AGAP1: variants seen among roughly 807,000 people sequenced by gnomAD.
AGAP1 encodes the protein arf-GAP with GTPase, ANK repeat and PH domain-containing protein 1.
Under a neutral mutation model 105.3 loss-of-function variants are expected in AGAP1, and 29 were observed. The observed-to-expected ratio is 0.28, with a 90% CI of 0.21 to 0.38. The LOEUF (loss-of-function observed/expected upper bound fraction) is 0.38, where lower values mean the gene tolerates loss of function less well. Ranked by LOEUF, AGAP1 falls within the 10% of genes least tolerant of loss-of-function variation. The pLI is 1.00. For synonymous variants in AGAP1, 509 were observed against 485.9 expected (o/e 1.05, Z -0.63); for missense variants, 998 against 1,165.1 (o/e 0.86, Z 2.09).
chr2:235,738,558 TC>T (rs1952385062), intron 3 of AGAP1, among the ~76,000 whole-genome samples: 1 of 151,150 alleles, frequency 6.6e-6, no homozygotes, highest in African/African-American at 2.4e-5. Context: ...TTTCTTTCTT[TC>T]TTTCTTTTTT....
chr2:235,930,650 T>C lies in AGAP1; in HGVS notation c.1325-115T>C. 1 of 1,067,818 alleles carries C rather than the reference T, an allele frequency of 9.4e-7. No homozygotes were observed. The highest frequency in any genetic ancestry group is 1.3e-6 in the Non-Finnish European group (1 of 749,474). 66.1% of individuals were successfully genotyped at this position (1,067,818 alleles called of 1,614,324 possible). A position where few individuals can be genotyped will look rare whatever the true frequency, so the allele number is the denominator to read the frequency against. On this transcript the variant is annotated intron_variant, in intron 11 of 17. Coordinates refer to ENST00000304032, the MANE Select transcript of AGAP1 (RefSeq NM_001037131.3). This position sits in a 1 kb window ranked among gnomAD's most constrained non-coding sequence, Gnocchi z 7.9. ...TTTGCCATGCAGGCAGGACAGGGGCTGCTCTCGGTGGTAAGGTGCACTATG... is the reference window on the plus strand; with the variant it reads ...TTTGCCATGCAGGCAGGACAGGGGCCGCTCTCGGTGGTAAGGTGCACTATG...
Position 235,927,416 on chromosome 2 carries a change from G to A in AGAP1, c.1325-3349G>A, listed in dbSNP as rs553270211. Among the ~76,000 whole-genome samples, 6 of 152,350 alleles carry A rather than the reference G, an allele frequency of 3.9e-5. No individual in the cohort carries two copies. The highest frequency in any genetic ancestry group is 4.8e-5 in the African/African-American group (2 of 41,592). ...ACTTGTCCTTGTATTTTGATGGACA[G>A]ACAGAAGTTTGAAAACCAGTACATT... On this transcript the variant is annotated intron_variant, in intron 11 of 17. Transcript: ENST00000304032. The surrounding 1 kb of genome is among the most constrained non-coding windows in gnomAD (Gnocchi z 4.4).
In AGAP1 at chr2:235,601,788, C is replaced by T. The variant is rs192276209; in HGVS notation, c.163+106939C>T. ...CTGGAGGCCAGGAGTTTAAGACCAG[C>T]CTGGGCAACCTCTTTTAAAGTTAAT... On this transcript the variant is annotated intron_variant, in intron 1 of 17. Transcript: ENST00000304032. The surrounding 1 kb of genome is among the most constrained non-coding windows in gnomAD (Gnocchi z 4.4). 1.3e-3 allele frequency among the ~76,000 whole-genome samples: 199 copies of T among 152,238 alleles called. 1 individual carries two copies. Among genetic ancestry groups the T allele is most frequent in the Non-Finnish European group, 2.4e-3 (161 of 68,024 alleles).
chr2:235,651,378 A>G (rs1003951323), intron 1 of AGAP1, among the ~76,000 whole-genome samples: 1 of 152,176 alleles, frequency 6.6e-6, no homozygotes, highest in East Asian at 1.9e-4. Flanking sequence ...TGTTTTTGAC[A>G]TACTCCAGTC....
At chr2:235,718,757 AATG>A (rs1215810558) in intron 3 of AGAP1, among the ~76,000 whole-genome samples, 2 of 152,172 alleles carry the variant, frequency 1.3e-5, no homozygotes. Context: ...TCCATACTGA[AATG>A]ATGATCTAGG....
chr2:235,676,008 C>A (rs193002366), intron 1 of AGAP1, among the ~76,000 whole-genome samples: 27 of 152,232 alleles, frequency 1.8e-4, no homozygotes. Flanking sequence ...AGCTGTAAGA[C>A]CCAATTATAA....
intron 16 of AGAP1, among the ~76,000 whole-genome samples, chr2:236,099,494 T>C (rs527445178): frequency 6.6e-6 from 1 of 152,128 alleles, no homozygotes; most frequent in Non-Finnish European, 1.5e-5. Flanking sequence ...TGGTTCTTAA[T>C]TTTGCAGCAT....
chr2:235,638,910 T>C (rs1947099918), intron 1 of AGAP1, among the ~76,000 whole-genome samples: 1 of 152,182 alleles, frequency 6.6e-6, no homozygotes, highest in South Asian at 2.1e-4. Context: ...CTCTGGCCTC[T>C]ACCTACTAGA....
rs951120364 is a variant in AGAP1 at position 236,038,073 on chromosome 2, A to G, written c.1800+1358A>G. On this transcript the variant is annotated intron_variant, in intron 14 of 17. Transcript: ENST00000304032. This position sits in a 1 kb window ranked among gnomAD's most constrained non-coding sequence, Gnocchi z 4.5. Reference sequence around the variant, plus strand: ...CCACAGTCATTATTATTATAATGTAATTTGCTTCCCTTTTTAAAAGATGTT... The same window carrying G: ...CCACAGTCATTATTATTATAATGTAGTTTGCTTCCCTTTTTAAAAGATGTT... 6.6e-6 allele frequency among the ~76,000 whole-genome samples: 1 copy of G among 152,180 alleles called. No individual in the cohort carries two copies.
chr2:235,644,061 A>C (rs1947290831), intron 1 of AGAP1, among the ~76,000 whole-genome samples: 1 of 152,166 alleles, frequency 6.6e-6, no homozygotes, highest in African/African-American at 2.4e-5. Flanking sequence ...GGGTCAGTCT[A>C]TTGCAAAGCA....
chr2:235,817,344 G>A lies in AGAP1; in HGVS notation c.1050+10013G>A, dbSNP rs114019610. Among the ~76,000 whole-genome samples, 378 of 151,944 alleles carry A rather than the reference G, an allele frequency of 2.5e-3. 2 individuals carry two copies. Among genetic ancestry groups the A allele is most frequent in the African/African-American group, 8.8e-3 (364 of 41,440 alleles). On this transcript the variant is annotated intron_variant, in intron 9 of 17. Transcript: ENST00000304032. Reference sequence around the variant, plus strand: ...CTCCACAAGTTCTAAAGAAGGTGGCGGCTTAATAAGTCTTCACAGTCCCCT... The same window carrying A: ...CTCCACAAGTTCTAAAGAAGGTGGCAGCTTAATAAGTCTTCACAGTCCCCT...
intron 9 of AGAP1, among the ~76,000 whole-genome samples, chr2:235,835,098 T>C (rs563823682): frequency 3.9e-5 from 6 of 152,322 alleles, no homozygotes; most frequent in Non-Finnish European, 1.5e-5. Flanking sequence ...TCTCCCCGAT[T>C]GCACAGTAGC....
intron 1 of AGAP1, among the ~76,000 whole-genome samples, chr2:235,580,385 G>T (rs1944890224): frequency 1.4e-5 from 2 of 144,610 alleles, no homozygotes; most frequent in Admixed American, 1.4e-4. Flanking sequence ...TTGTCGGGTT[G>T]ATTTCTTCAT....
Position 235,983,708 on chromosome 2 carries a change from T to C in AGAP1, c.1645+15085T>C, listed in dbSNP as rs1173202896. 6.6e-6 allele frequency among the ~76,000 whole-genome samples: 1 copy of C among 152,234 alleles called. No homozygotes were observed. Among genetic ancestry groups the C allele is most frequent in the African/African-American group, 2.4e-5 (1 of 41,462 alleles). ...CACTTCCCATTGTGTTGCCACTGCCTACAGTTTTTGATACAGTCACATACT... is the reference window on the plus strand; with the variant it reads ...CACTTCCCATTGTGTTGCCACTGCCCACAGTTTTTGATACAGTCACATACT... On this transcript the variant is annotated intron_variant, in intron 13 of 17. Transcript: ENST00000304032. The surrounding 1 kb of genome is among the most constrained non-coding windows in gnomAD (Gnocchi z 4.5).
At chr2:235,711,331 C>A (rs908393256) in intron 2 of AGAP1, among the ~76,000 whole-genome samples, 2 of 152,222 alleles carry the variant, frequency 1.3e-5, no homozygotes, top group African/African-American at 4.8e-5. Context: ...CTTGGCAGTT[C>A]AAGGTGTTAC....
intron 6 of AGAP1, among the ~76,000 whole-genome samples, chr2:235,786,628 T>G (rs1014287502): frequency 6.6e-6 from 1 of 152,156 alleles, no homozygotes; most frequent in Non-Finnish European, 1.5e-5. Flanking sequence ...GGGTAATTAT[T>G]TTTGGAAATA....
chr2:235,653,241 G>A (rs958682329), intron 1 of AGAP1, among the ~76,000 whole-genome samples: 22 of 152,090 alleles, frequency 1.4e-4, no homozygotes, highest in Non-Finnish European at 2.5e-4. Flanking sequence ...CAAGGCGGGC[G>A]GATCACGAGG....
intron 6 of AGAP1, among the ~76,000 whole-genome samples, chr2:235,780,799 G>A (rs1559478906): frequency 6.6e-6 from 1 of 152,186 alleles, no homozygotes; most frequent in Non-Finnish European, 1.5e-5. Context: ...AGTCTGGTTG[G>A]TGGTAGAAAC....
At chr2:236,041,821 G>A (rs1317961658) in intron 15 of AGAP1, among the ~76,000 whole-genome samples, 1 of 152,196 alleles carries the variant, frequency 6.6e-6, no homozygotes, top group African/African-American at 2.4e-5. Context: ...GCTAAGCGCT[G>A]GGGAGAGCCA....
Sources: allele counts gnomAD v4.1 joint callset (sites outside exome capture counted in the v4.1 genomes callset), GRCh38; gene constraint gnomAD v4.1.1; non-coding constraint Gnocchi (gnomAD v3.1); transcripts MANE v1.5; gene names NCBI Gene and HGNC (gene_info 2026-07-23, HGNC 2026-07-21).